The following NCALD variants were observed in gnomAD, a reference collection of about 807,000 sequenced individuals.
The protein encoded by NCALD is neurocalcin-delta.
Under a neutral mutation model 18.6 loss-of-function variants are expected in NCALD, and 10 were observed. That is an observed-to-expected ratio of 0.54 (90% confidence interval 0.33 to 0.91). The LOEUF is 0.91. Among genes scored for constraint, NCALD ranks in the 40% least tolerant of loss-of-function variants. The pLI, the probability that NCALD is intolerant of heterozygous loss-of-function variation, is 0.03. For synonymous variants in NCALD, 88 were observed against 87.4 expected (o/e 1.01, Z -0.04); for missense variants, 184 against 247.6 (o/e 0.74, Z 1.72).
At chr8:101,964,893 G>C (rs183715908) in intron 2 of NCALD, among the ~76,000 whole-genome samples, 8 of 152,228 alleles carry the variant, frequency 5.3e-5, no homozygotes, top group East Asian at 1.9e-4. Flanking sequence ...ACTCCAAAAG[G>C]CTTCTTAAGG....
intron 4 of NCALD, among the ~76,000 whole-genome samples, chr8:101,843,450 A>G (rs1814728486): frequency 6.6e-6 from 1 of 152,030 alleles, no homozygotes; most frequent in African/African-American, 2.4e-5. Context: ...GTGCATGCAC[A>G]CACACACACA....
intron 1 of NCALD, among the ~76,000 whole-genome samples, chr8:102,046,623 G>A (rs992197074): frequency 6.6e-6 from 1 of 152,010 alleles, no homozygotes; most frequent in Non-Finnish European, 1.5e-5. Context: ...TCCCGCCTCA[G>A]TCTCTCAAGT....
intron 1 of NCALD, among the ~76,000 whole-genome samples, chr8:101,765,163 T>G (rs140389367): frequency 1.7e-3 from 265 of 152,292 alleles, no homozygotes; most frequent in Non-Finnish European, 3.0e-3. Flanking sequence ...TACACGGCAC[T>G]CCAGGCAAAC....
chr8:101,913,781 C>T (rs1216942277), intron 3 of NCALD, among the ~76,000 whole-genome samples: 1 of 152,184 alleles, frequency 6.6e-6, no homozygotes, highest in Non-Finnish European at 1.5e-5. Flanking sequence ...GGGGCTTCTC[C>T]ATGTTGGCCA....
At chr8:101,700,302 C>T (rs1218106510) in intron 2 of NCALD, among the ~76,000 whole-genome samples, 1 of 152,118 alleles carries the variant, frequency 6.6e-6, no homozygotes, top group Non-Finnish European at 1.5e-5. Flanking sequence ...GGGCTTCCTG[C>T]CTCAGTCTCC....
At chr8:102,110,112 T>C (rs1825595225) in intron 1 of NCALD, among the ~76,000 whole-genome samples, 2 of 152,210 alleles carry the variant, frequency 1.3e-5, no homozygotes, top group African/African-American at 4.8e-5. Context: ...CCCAGACCTT[T>C]AACACTGGCT....
chr8:101,808,782 G>T (rs1813201399), intron 4 of NCALD, among the ~76,000 whole-genome samples: 1 of 152,120 alleles, frequency 6.6e-6, no homozygotes. Flanking sequence ...CCTAAAGATG[G>T]ATGGCGGGGC....
chr8:101,706,287 C>T (rs2130234417), intron 2 of NCALD, among the ~76,000 whole-genome samples: 1 of 150,480 alleles, frequency 6.6e-6, no homozygotes, highest in South Asian at 2.1e-4. Context: ...ATGTCTCTGA[C>T]TTGATTAGAG....
At chr8:101,849,481 T>C (rs1586628391) in intron 4 of NCALD, among the ~76,000 whole-genome samples, 1 of 152,312 alleles carries the variant, frequency 6.6e-6, no homozygotes, top group East Asian at 1.9e-4. Context: ...TACGGAGCTA[T>C]GAATTTGTAA....
At chr8:102,017,568 A>G (rs1207474805) in intron 2 of NCALD, among the ~76,000 whole-genome samples, 1 of 152,076 alleles carries the variant, frequency 6.6e-6, no homozygotes, top group East Asian at 1.9e-4. Flanking sequence ...GGTGGTGGGC[A>G]CCTGCAGTCC....
chr8:102,059,735 G>A (rs1471347200), intron 1 of NCALD, among the ~76,000 whole-genome samples: 1 of 152,188 alleles, frequency 6.6e-6, no homozygotes, highest in South Asian at 2.1e-4. Flanking sequence ...GAGGGGAAAA[G>A]TCTTCTTTTC....
chr8:101,894,885 A>G (rs538763787), intron 3 of NCALD, among the ~76,000 whole-genome samples: 1 of 150,716 alleles, frequency 6.6e-6, no homozygotes, highest in Non-Finnish European at 1.5e-5. Flanking sequence ...TTTACCAACC[A>G]AAAAGATTCC....
At chr8:102,013,872 C>A (rs937899285) in intron 2 of NCALD, among the ~76,000 whole-genome samples, 4 of 152,086 alleles carry the variant, frequency 2.6e-5, no homozygotes, top group African/African-American at 9.7e-5. Context: ...TAAAATTAAC[C>A]TTTATCAAGA....
chr8:102,066,205 A>G (rs1824003752), intron 1 of NCALD, among the ~76,000 whole-genome samples: 1 of 152,248 alleles, frequency 6.6e-6, no homozygotes, highest in Non-Finnish European at 1.5e-5. Flanking sequence ...CAATTGTCAC[A>G]ATAACTTTGA....
At chr8:101,693,344 T>G (rs1445326937) in intron 2 of NCALD, 2 of 130,358 alleles carry the variant, frequency 1.5e-5, no homozygotes, top group Non-Finnish European at 3.3e-5. Flanking sequence ...TTTTTTTTTT[T>G]TTTTTTTCTG....
chr8:101,834,607 A>T (rs764598332), intron 4 of NCALD, among the ~76,000 whole-genome samples: 4 of 152,232 alleles, frequency 2.6e-5, no homozygotes, highest in Non-Finnish European at 4.4e-5. Flanking sequence ...CCAATGTGGT[A>T]AAGGGATCTG....
intron 4 of NCALD, among the ~76,000 whole-genome samples, chr8:101,845,284 A>G (rs576547799): frequency 8.1e-4 from 123 of 152,328 alleles, no homozygotes; most frequent in African/African-American, 2.4e-3. Flanking sequence ...CAGACCAGTA[A>G]CAAAGAGTTC....
chr8:101,795,604 G>T (rs572477383), upstream of NCALD, among the ~76,000 whole-genome samples: 99 of 152,214 alleles, frequency 6.5e-4, 1 homozygote, highest in African/African-American at 2.1e-3. Flanking sequence ...TCCCAAAAAG[G>T]CCCACCTCCT....
chr8:101,971,561 C>T (rs1820242305), intron 2 of NCALD, among the ~76,000 whole-genome samples: 2 of 152,106 alleles, frequency 1.3e-5, no homozygotes, highest in African/African-American at 4.8e-5. Flanking sequence ...TCTCTCTCAT[C>T]TTCCACCATG....
Sources: allele counts gnomAD v4.1 joint callset (sites outside exome capture counted in the v4.1 genomes callset), GRCh38; gene constraint gnomAD v4.1.1; transcripts MANE v1.5; gene names NCBI Gene and HGNC (gene_info 2026-07-23, HGNC 2026-07-21).